HAO1: variants seen among roughly 807,000 people sequenced by gnomAD.
HAO1 encodes the protein 2-Hydroxyacid oxidase 1.
HAO1 carries 34 observed loss-of-function variants against 39.7 expected under a neutral mutation model. The ratio of observed to expected loss-of-function variants is 0.86; its 90% CI spans 0.65 to 1.14. HAO1 has a LOEUF of 1.14. HAO1 is among the 50% of genes most tolerant of loss of function. The pLI, the probability that HAO1 is intolerant of heterozygous loss-of-function variation, is 0.00. For missense variants in HAO1, 479 were observed against 464.5 expected, an observed-to-expected ratio of 1.03 and a Z score of -0.29; for synonymous variants, 172 against 173.2, an observed-to-expected ratio of 0.99 and a Z score of 0.05.
intron 4 of HAO1, among the ~76,000 whole-genome samples, chr20:7,904,431 T>C (rs2050238138): frequency 6.6e-6 from 1 of 152,236 alleles, no homozygotes; most frequent in African/African-American, 2.4e-5. Context: ...AAGTCTAAAT[T>C]CTCTAAATGG....
intron 4 of HAO1, among the ~76,000 whole-genome samples, chr20:7,898,282 A>T (rs2050206316): frequency 6.6e-6 from 1 of 152,046 alleles, no homozygotes; most frequent in Admixed American, 6.6e-5. Flanking sequence ...TCTATTACAT[A>T]ATCTACCCCT....
At chr20:7,920,855 A>C (rs946501431) in intron 2 of HAO1, among the ~76,000 whole-genome samples, 1 of 152,118 alleles carries the variant, frequency 6.6e-6, no homozygotes, top group Non-Finnish European at 1.5e-5. Flanking sequence ...ATATCTCTTC[A>C]ACATGCTGAT....
chr20:7,896,939 A>G (rs2050200571), intron 4 of HAO1, among the ~76,000 whole-genome samples: 1 of 152,120 alleles, frequency 6.6e-6, no homozygotes, highest in Non-Finnish European at 1.5e-5. Flanking sequence ...TCTGAGTTGA[A>G]TATCTTGTAG....
At chr20:7,892,745 T>C in intron 5 of HAO1, among the ~76,000 whole-genome samples, 1 of 152,196 alleles carries the variant, frequency 6.6e-6, no homozygotes, top group Non-Finnish European at 1.5e-5. Context: ...CCCACATTAC[T>C]TAGTAGATAG....
intron 5 of HAO1, among the ~76,000 whole-genome samples, chr20:7,887,734 A>G (rs2050157026): frequency 1.3e-5 from 2 of 152,168 alleles, no homozygotes; most frequent in Admixed American, 1.3e-4. Flanking sequence ...AGTCAAATCA[A>G]GTGTGTTTAG....
chr20:7,891,711 T>C (rs1420866230), intron 5 of HAO1, among the ~76,000 whole-genome samples: 2 of 152,218 alleles, frequency 1.3e-5, no homozygotes, highest in Non-Finnish European at 2.9e-5. Flanking sequence ...AAAAACGGTC[T>C]CAGGGAACAA....
At chr20:7,930,245 CA>C (rs368447837) in intron 2 of HAO1, among the ~76,000 whole-genome samples, 2,215 of 142,880 alleles carry the variant, frequency 0.016, 41 homozygotes, top group African/African-American at 0.047. Flanking sequence ...AGGAGGGTAA[CA>C]AAAAAAAAAA....
At chr20:7,919,519 G>T (rs115463343) in intron 2 of HAO1, among the ~76,000 whole-genome samples, 1,664 of 152,182 alleles carry the variant, frequency 0.011, 28 homozygotes, top group African/African-American at 0.037. Context: ...TATATAAACT[G>T]GGAGATAAAA....
At position 7,883,417 on chromosome 20, in the gene HAO1, C is replaced by A; in HGVS notation, c.*176G>T. On this transcript the variant is annotated 3_prime_UTR_variant, in exon 8 of 8. Coordinates refer to ENST00000378789, the MANE Select transcript of HAO1 (RefSeq NM_017545.3). Reference sequence around the variant, plus strand: ...TCTTTCTAAAAGGTTCCTAGGACACCCATTGAAAAGTCAAAAGCAATGAAA... The same window carrying A: ...TCTTTCTAAAAGGTTCCTAGGACACACATTGAAAAGTCAAAAGCAATGAAA... 1 of 589,688 alleles carries A rather than the reference C, an allele frequency of 1.7e-6. No homozygotes were observed. Among genetic ancestry groups the A allele is most frequent in the South Asian group, 2.2e-5 (1 of 45,208 alleles). The allele number at this position is 589,688 out of a possible 1,614,324, so 36.5% of individuals were successfully genotyped here.
intron 3 of HAO1, among the ~76,000 whole-genome samples, chr20:7,913,888 T>C (rs547803174): frequency 6.6e-6 from 1 of 152,348 alleles, no homozygotes; most frequent in South Asian, 2.1e-4. Context: ...AAACTGCTGC[T>C]TGGGCAAAAT....
At position 7,940,430 on chromosome 20, in the gene HAO1, G is replaced by A. The variant is rs761012113; in HGVS notation, c.-8C>T. ...AATTAGCCGGGGGAGCATTTTCACA[G>A]GTTATTGCTATCCCAGATGGAGTTC... On this transcript the variant is annotated 5_prime_UTR_variant, in exon 1 of 8. Transcript: ENST00000378789. The A allele has an allele frequency of 3.1e-6, 5 of 1,591,618 alleles. No homozygotes were observed. Among genetic ancestry groups the A allele is most frequent in the Non-Finnish European group, 4.3e-6 (5 of 1,173,260 alleles).
intron 1 of HAO1, among the ~76,000 whole-genome samples, chr20:7,936,026 A>C (rs528298827): frequency 1.6e-4 from 25 of 152,224 alleles, no homozygotes; most frequent in Non-Finnish European, 3.5e-4. Flanking sequence ...GAAGAAAAAG[A>C]AAAAGCCCTT....
intron 3 of HAO1, among the ~76,000 whole-genome samples, chr20:7,908,972 C>G (rs1029854079): frequency 6.6e-6 from 1 of 151,882 alleles, no homozygotes; most frequent in African/African-American, 2.4e-5. Flanking sequence ...TCTGTCTATC[C>G]CATAGCAAGA....
chr20:7,918,318 G>A (rs2050316137), intron 2 of HAO1, among the ~76,000 whole-genome samples: 1 of 152,302 alleles, frequency 6.6e-6, no homozygotes, highest in Non-Finnish European at 1.5e-5. Flanking sequence ...GTTAGAATGA[G>A]CTAAGGGAGC....
intron 2 of HAO1, among the ~76,000 whole-genome samples, chr20:7,922,651 A>G (rs987488849): frequency 2.0e-5 from 3 of 152,094 alleles, no homozygotes; most frequent in African/African-American, 7.2e-5. Flanking sequence ...AAACAAGAAC[A>G]TGCTTTTCCC....
At chr20:7,927,882 G>A (rs932465249) in intron 2 of HAO1, among the ~76,000 whole-genome samples, 2 of 152,192 alleles carry the variant, frequency 1.3e-5, no homozygotes, top group African/African-American at 2.4e-5. Flanking sequence ...AATAATCTGA[G>A]CAAAGCATTA....
chr20:7,885,540 C>T lies in HAO1; in HGVS notation c.1023G>A (p.Arg341=). ...DVLEILKEEF[R]LAMALSGCQN... The stretch of plus-strand genomic sequence containing the variant: ...TCTTACCACTCAGAGCCATGGCCAA[C>T]CGGAATTCTTCCTTTAGTATCTCGA... The change falls in exon 7 of 8, where the codon CGG becomes CGA. Residue 341 remains arginine, a synonymous_variant. Transcript: ENST00000378789. The T allele has an allele frequency of 6.2e-7, 1 of 1,611,340 alleles. No homozygotes were observed. The highest frequency in any genetic ancestry group is 8.5e-7 in the Non-Finnish European group (1 of 1,177,582).
chr20:7,936,574 C>G, intron 1 of HAO1, among the ~76,000 whole-genome samples: 1 of 118,994 alleles, frequency 8.4e-6, no homozygotes, highest in African/African-American at 3.4e-5. Context: ...GCGTGCGTGC[C>G]AAAAGGGACA....
In HAO1 at chr20:7,936,101, A is replaced by G. The variant is rs141204303; in HGVS notation, c.138-1466T>C. Among the ~76,000 whole-genome samples the G allele has an allele frequency of 1.7e-3, 264 of 152,328 alleles. 1 individual carries two copies. Among genetic ancestry groups the G allele is most frequent in the Middle Eastern group, 0.014 (4 of 294 alleles). ...CCTTCTATTGCTTTGTGGAATAGCT[A>G]AGGGTCTGTAATCTAACCCTTCCTC... On this transcript the variant is annotated intron_variant, in intron 1 of 7. Transcript: ENST00000378789.
Sources: allele counts gnomAD v4.1 joint callset (sites outside exome capture counted in the v4.1 genomes callset), GRCh38; gene constraint gnomAD v4.1.1; transcripts MANE v1.5; gene names NCBI Gene and HGNC (gene_info 2026-07-23, HGNC 2026-07-21).